PRKAR1B: variants seen among roughly 807,000 people sequenced by gnomAD.
The protein encoded by PRKAR1B is protein kinase cAMP-dependent type I regulatory subunit beta, also known as cAMP-dependent protein kinase type I-beta regulatory subunit.
PRKAR1B carries 22 observed loss-of-function variants against 46.5 expected under a neutral mutation model. That is an observed-to-expected ratio of 0.47 (90% CI 0.34 to 0.68). The LOEUF is 0.68. Ranked by LOEUF, PRKAR1B falls within the 30% of genes least tolerant of loss-of-function variation. The pLI, the probability that PRKAR1B is intolerant of heterozygous loss-of-function variation, is 0.01. For missense variants in PRKAR1B, 445 were observed against 535.6 expected (o/e 0.83, Z 1.67); for synonymous variants, 259 against 217.7 (o/e 1.19, Z -1.67).
chr7:668,928 T>A (rs988011307), intron 4 of PRKAR1B, among the ~76,000 whole-genome samples: 4 of 152,074 alleles, frequency 2.6e-5, no homozygotes, highest in Non-Finnish European at 5.9e-5. Context: ...AAGCACAATC[T>A]GTGGTTCCTC....
chr7:598,419 T>C (rs1781398124), intron 6 of PRKAR1B, among the ~76,000 whole-genome samples: 1 of 74,166 alleles, frequency 1.3e-5, no homozygotes, highest in Non-Finnish European at 2.7e-5. Context: ...CCCTCCACAC[T>C]AAACACCATC....
chr7:642,235 T>G (rs1784425694), intron 4 of PRKAR1B, among the ~76,000 whole-genome samples: 1 of 152,088 alleles, frequency 6.6e-6, no homozygotes, highest in African/African-American at 2.4e-5. Context: ...TGCAGGCAGA[T>G]TCATGGTGGA....
At chr7:638,874 C>T (rs1052700717) in intron 4 of PRKAR1B, among the ~76,000 whole-genome samples, 4 of 151,718 alleles carry the variant, frequency 2.6e-5, no homozygotes, top group East Asian at 1.9e-4. Flanking sequence ...GTCAGGAGTT[C>T]GAGACCATCC....
At chr7:612,394 A>AT in intron 4 of PRKAR1B, among the ~76,000 whole-genome samples, 1 of 150,190 alleles carries the variant, frequency 6.7e-6, no homozygotes, top group Non-Finnish European at 1.5e-5. Context: ...GGGTGGATGG[A>AT]TAGATGGATG....
At chr7:687,992 A>C (rs1779187071) in intron 2 of PRKAR1B, among the ~76,000 whole-genome samples, 1 of 148,566 alleles carries the variant, frequency 6.7e-6, no homozygotes, top group South Asian at 2.2e-4. Flanking sequence ...GCTCCTCGGG[A>C]GGCTCAGGCA....
intron 9 of PRKAR1B, among the ~76,000 whole-genome samples, chr7:571,068 C>T (rs1779482598): frequency 6.6e-6 from 1 of 152,244 alleles, no homozygotes; most frequent in African/African-American, 2.4e-5. Flanking sequence ...GCTTAGGCCC[C>T]TGTGGCTCCG....
chr7:708,230 T>G (rs1039955916), intron 2 of PRKAR1B, among the ~76,000 whole-genome samples: 2 of 149,742 alleles, frequency 1.3e-5, no homozygotes, highest in Admixed American at 1.3e-4. Flanking sequence ...CTGGACCACC[T>G]AAGATCTCCT....
intron 4 of PRKAR1B, among the ~76,000 whole-genome samples, chr7:615,986 G>C (rs1203059249): frequency 7.3e-6 from 1 of 137,326 alleles, no homozygotes; most frequent in Non-Finnish European, 1.5e-5. Flanking sequence ...GAGAAAGAGG[G>C]AGAGAGAAAG....
At chr7:579,174 G>A in intron 9 of PRKAR1B, 82 bp downstream of exon 9, 3 of 1,607,048 alleles carry the variant, frequency 1.9e-6, no homozygotes, top group Non-Finnish European at 2.5e-6. Context: ...GGAGGGTGAG[G>A]CGGGCAGTGG....
intron 4 of PRKAR1B, among the ~76,000 whole-genome samples, chr7:613,558 G>A (rs143314213): frequency 8.5e-5 from 13 of 152,308 alleles, no homozygotes; most frequent in Middle Eastern, 6.8e-3. Context: ...GAGATGGCGC[G>A]CCAAGCTCAG....
chr7:638,440 A>C (rs900732241), intron 4 of PRKAR1B, among the ~76,000 whole-genome samples: 6 of 151,206 alleles, frequency 4.0e-5, no homozygotes, highest in Non-Finnish European at 8.9e-5. Context: ...CGGCTCAGCA[A>C]CTCCTCTGTG....
At chr7:584,980 G>A (rs1780514769) in intron 7 of PRKAR1B, among the ~76,000 whole-genome samples, 1 of 152,120 alleles carries the variant, frequency 6.6e-6, no homozygotes, top group South Asian at 2.1e-4. Context: ...ACGTAGAAGG[G>A]AGAGTGCGGC....
At chr7:685,298 A>ACGTATATATATATATACG in intron 2 of PRKAR1B, among the ~76,000 whole-genome samples, 1 of 14,800 alleles carries the variant, frequency 6.8e-5, no homozygotes, top group Non-Finnish European at 1.1e-4. Context: ...ATGTATACAT[A>ACGTATATATATATATACG]TATATATACG....
rs142069685 is a variant in PRKAR1B, at chr7:595,106, G to A, written c.708+1040C>T. 4.6e-5 allele frequency among the ~76,000 whole-genome samples: 7 copies of A among 152,272 alleles called. No homozygotes were observed. In the East Asian group the frequency reaches 5.8e-4, roughly 13 times the overall value. ...CTTCCTGCAGAAGCTGCGGGTCCTC[G>A]GCCTGGAGCCCTCCCCGCCCTCTCT... On this transcript the variant is annotated intron_variant, in intron 7 of 10. Coordinates refer to ENST00000537384, the MANE Select transcript of PRKAR1B (RefSeq NM_001164760.2).
intron 4 of PRKAR1B, among the ~76,000 whole-genome samples, chr7:642,230 G>A (rs1784425321): frequency 6.6e-6 from 1 of 152,146 alleles, no homozygotes; most frequent in Non-Finnish European, 1.5e-5. Flanking sequence ...GAAAATGCAG[G>A]CAGATTCATG....
intron 6 of PRKAR1B, among the ~76,000 whole-genome samples, chr7:605,294 C>T (rs113405464): frequency 0.045 from 6,802 of 152,294 alleles, 388 homozygotes; most frequent in African/African-American, 0.13. Flanking sequence ...TCCTAGCGGG[C>T]GTTTTCCCAG....
intron 7 of PRKAR1B, among the ~76,000 whole-genome samples, chr7:586,360 C>A (rs887863716): frequency 6.6e-6 from 1 of 152,008 alleles, no homozygotes; most frequent in Non-Finnish European, 1.5e-5. Flanking sequence ...ATAGGGCTGA[C>A]GGATCCAACT....
intron 9 of PRKAR1B, among the ~76,000 whole-genome samples, chr7:572,751 G>A (rs1035010410): frequency 2.6e-5 from 4 of 152,194 alleles, no homozygotes. Flanking sequence ...GAGGGTAGGC[G>A]GGAGGAGAGA....
At chr7:671,975 C>T (rs1786279172) in intron 4 of PRKAR1B, among the ~76,000 whole-genome samples, 1 of 152,190 alleles carries the variant, frequency 6.6e-6, no homozygotes, top group African/African-American at 2.4e-5. Flanking sequence ...CTTCACCACA[C>T]ACCATCTCTA....
Sources: allele counts gnomAD v4.1 joint callset (sites outside exome capture counted in the v4.1 genomes callset), GRCh38; gene constraint gnomAD v4.1.1; transcripts MANE v1.5; gene names NCBI Gene and HGNC (gene_info 2026-07-23, HGNC 2026-07-21).